UBE2E2: variants seen among roughly 807,000 people sequenced by gnomAD.
UBE2E2 encodes the protein ubiquitin conjugating enzyme E2 E2.
Under a neutral mutation model 24.7 loss-of-function variants are expected in UBE2E2, and 6 were observed. The observed-to-expected ratio is 0.24, with a 90% CI of 0.13 to 0.48. UBE2E2 has a LOEUF of 0.48. Among genes scored for constraint, UBE2E2 ranks in the 20% least tolerant of loss-of-function variants. The pLI is 0.99. For synonymous variants in UBE2E2, 104 were observed against 83.6 expected (o/e 1.24, Z -1.33); for missense variants, 169 against 245.0 (o/e 0.69, Z 2.07).
intron 3 of UBE2E2, among the ~76,000 whole-genome samples, chr3:23,315,460 T>C (rs1170068816): frequency 6.6e-6 from 1 of 152,230 alleles, no homozygotes; most frequent in Non-Finnish European, 1.5e-5. Flanking sequence ...GGATTTCTGC[T>C]GGATGCTTTT....
At chr3:23,400,641 C>T (rs1052226098) in intron 3 of UBE2E2, among the ~76,000 whole-genome samples, 20 of 150,030 alleles carry the variant, frequency 1.3e-4, no homozygotes, top group Non-Finnish European at 2.4e-4. Flanking sequence ...CACACACACA[C>T]ATCTCAGGCC....
intron 3 of UBE2E2, among the ~76,000 whole-genome samples, chr3:23,445,031 T>C (rs1484919203): frequency 6.6e-6 from 1 of 152,232 alleles, no homozygotes; most frequent in Non-Finnish European, 1.5e-5. Context: ...TGTAATCTTA[T>C]GCCAAGTGAT....
chr3:23,552,691 G>A (rs1311804081), intron 5 of UBE2E2, among the ~76,000 whole-genome samples: 2 of 152,180 alleles, frequency 1.3e-5, no homozygotes, highest in African/African-American at 2.4e-5. Context: ...TTTTAAGAAT[G>A]TAAGGTTTTG....
Position 23,532,684 on chromosome 3 carries a change from T to C in UBE2E2, c.491T>C (p.Leu164Pro). The C allele has an allele frequency of 6.5e-7, 1 of 1,546,838 alleles. No homozygotes were observed. The highest frequency in any genetic ancestry group is 8.8e-7 in the Non-Finnish European group (1 of 1,133,624). The change falls in exon 5 of 6, where the codon CTT becomes CCT. Residue 164 changes from leucine to proline, a missense_variant. Leu to Pro is a moderately conservative substitution (Grantham distance 98). Transcript: ENST00000396703. ...SKVLLSICSL[L>P]TDCNPADPLV... Reference sequence around the variant, plus strand: ...GTTCTCCTCTCCATCTGCTCACTTCTTACAGATTGCAACCCTGGTAAGAGA... The same window carrying C: ...GTTCTCCTCTCCATCTGCTCACTTCCTACAGATTGCAACCCTGGTAAGAGA...
intron 3 of UBE2E2, among the ~76,000 whole-genome samples, chr3:23,493,773 T>G (rs1699547850): frequency 6.6e-6 from 1 of 152,232 alleles, no homozygotes; most frequent in African/African-American, 2.4e-5. Flanking sequence ...ATTATTTTTT[T>G]TTGATGTACA....
intron 3 of UBE2E2, among the ~76,000 whole-genome samples, chr3:23,444,065 G>GTTTTT (rs59171795): frequency 1.1e-4 from 13 of 117,384 alleles, no homozygotes; most frequent in African/African-American, 3.1e-4. Flanking sequence ...CACCAGTTTT[G>GTTTTT]TTTTTTTTTT....
chr3:23,218,380 CTT>C (rs965822744), intron 3 of UBE2E2, among the ~76,000 whole-genome samples: 9 of 151,970 alleles, frequency 5.9e-5, no homozygotes, highest in African/African-American at 1.9e-4. Context: ...TAACCTAAGA[CTT>C]TTTGTCACTC....
chr3:23,499,783 A>G, intron 4 of UBE2E2, 43 bp downstream of exon 4: 1 of 1,600,150 alleles, frequency 6.2e-7, no homozygotes, highest in East Asian at 2.2e-5. Flanking sequence ...TATGGATTAT[A>G]TTTCTAGATA....
At chr3:23,438,558 ATTAG>A (rs1235367287) in intron 3 of UBE2E2, among the ~76,000 whole-genome samples, 2 of 152,214 alleles carry the variant, frequency 1.3e-5, no homozygotes, top group Non-Finnish European at 2.9e-5. Flanking sequence ...TTGAGCTTTT[ATTAG>A]TTGGTCCTAA....
intron 1 of UBE2E2, among the ~76,000 whole-genome samples, chr3:23,208,408 CATTT>C (rs1294116680): frequency 1.3e-5 from 2 of 152,058 alleles, no homozygotes; most frequent in Admixed American, 6.6e-5. Flanking sequence ...TTCATCCATT[CATTT>C]GTTAGTGGAT....
At chr3:23,338,485 A>C (rs1256865935) in intron 3 of UBE2E2, among the ~76,000 whole-genome samples, 1 of 152,118 alleles carries the variant, frequency 6.6e-6, no homozygotes, top group Admixed American at 6.6e-5. Context: ...TGTTCATGAG[A>C]GGGCCTAGAA....
At chr3:23,389,618 C>T (rs185439741) in intron 3 of UBE2E2, 258 of 264,676 alleles carry the variant, frequency 9.7e-4, no homozygotes, top group Non-Finnish European at 8.1e-4. Flanking sequence ...TGTCTACATC[C>T]TGGGGGGCTT....
Position 23,523,834 on chromosome 3 carries a change from T to G in UBE2E2, c.361-8720T>G, listed in dbSNP as rs531184855. Among the ~76,000 whole-genome samples, 15 of 151,822 alleles carry G rather than the reference T, an allele frequency of 9.9e-5. No individual in the cohort carries two copies. The East Asian group carries it at 2.7e-3, about 27-fold the overall frequency. On this transcript the variant is annotated intron_variant, in intron 4 of 5. Transcript: ENST00000396703. ...AAATCTCAAAGAGGGGATTTTTTTT[T>G]TTTATGTATACTAACAACCTGTTTA...
intron 5 of UBE2E2, among the ~76,000 whole-genome samples, chr3:23,578,886 G>GT (rs1377808865): frequency 1.3e-5 from 2 of 152,060 alleles, no homozygotes; most frequent in African/African-American, 4.8e-5. Flanking sequence ...GTTTATCTGT[G>GT]TAACAAACAT....
intron 3 of UBE2E2, among the ~76,000 whole-genome samples, chr3:23,290,822 A>T (rs542244680): frequency 1.3e-4 from 19 of 149,396 alleles, no homozygotes; most frequent in African/African-American, 4.7e-4. Flanking sequence ...GGGGAGGCCA[A>T]GGTGGGAGGA....
chr3:23,300,319 T>C (rs1024409401), intron 3 of UBE2E2, among the ~76,000 whole-genome samples: 6 of 152,220 alleles, frequency 3.9e-5, no homozygotes, highest in African/African-American at 7.2e-5. Context: ...AATTTGATCC[T>C]GTCATTATGA....
chr3:23,255,430 A>G lies in UBE2E2; in HGVS notation c.227+38118A>G, dbSNP rs567530323. The stretch of plus-strand genomic sequence containing the variant: ...TTTATTTGACTGTTTTATTAACATC[A>G]GGCACTTAAAATAACGCAGTGTAGA... On this transcript the variant is annotated intron_variant, in intron 3 of 5. Coordinates refer to ENST00000396703, the MANE Select transcript of UBE2E2 (RefSeq NM_152653.4). 8.5e-5 allele frequency among the ~76,000 whole-genome samples: 13 copies of G among 152,208 alleles called. No homozygotes were observed. In the East Asian group the frequency reaches 2.1e-3, roughly 25 times the overall value.
intron 3 of UBE2E2, among the ~76,000 whole-genome samples, chr3:23,487,100 C>G (rs906766671): frequency 5.3e-5 from 8 of 152,230 alleles, no homozygotes; most frequent in Non-Finnish European, 7.3e-5. Flanking sequence ...CTGAGTTCGT[C>G]AGAACCCAAA....
intron 3 of UBE2E2, among the ~76,000 whole-genome samples, chr3:23,490,296 G>A (rs1249887263): frequency 6.6e-6 from 1 of 152,182 alleles, no homozygotes; most frequent in East Asian, 1.9e-4. Context: ...CTGGTCCCAA[G>A]CATTTCAGAT....
Sources: allele counts gnomAD v4.1 joint callset (sites outside exome capture counted in the v4.1 genomes callset), GRCh38; gene constraint gnomAD v4.1.1; transcripts MANE v1.5; gene names NCBI Gene and HGNC (gene_info 2026-07-23, HGNC 2026-07-21).